Variants in IDH3A observed in about 807,000 individuals in gnomAD.
IDH3A encodes the protein isocitrate dehydrogenase (NAD(+)) 3 catalytic subunit alpha, also known as isocitrate dehydrogenase [NAD] subunit alpha, mitochondrial.
In IDH3A, 23 loss-of-function variants were observed where a neutral mutation model predicts 43.3. The ratio of observed to expected loss-of-function variants is 0.53; its 90% CI spans 0.38 to 0.75. IDH3A has a LOEUF of 0.75. IDH3A is among the 30% of genes least tolerant of loss of function. The probability of loss-of-function intolerance (pLI) is 0.00; values close to 1 mark genes in which losing one functional copy is unlikely to be tolerated. For missense variants in IDH3A, 329 were observed against 474.4 expected (o/e 0.69, Z 2.85); for synonymous variants, 154 against 163.5 (o/e 0.94, Z 0.44).
chr15:78,160,316 A>T, intron 4 of IDH3A, 110 bp downstream of exon 4: 1 of 630,972 alleles, frequency 1.6e-6, no homozygotes, highest in Non-Finnish European at 2.9e-6. Flanking sequence ...CTGTGAAGGT[A>T]ACGCCATTCT....
intron 2 of IDH3A, 136 bp from the exon 3 acceptor site, chr15:78,157,412 G>A: frequency 1.4e-5 from 9 of 663,734 alleles, no homozygotes; most frequent in Non-Finnish European, 2.5e-6. Flanking sequence ...CCCCGGGGAG[G>A]TATGTTTGTT....
Position 78,161,708 on chromosome 15 carries a change from T to C in IDH3A, c.417T>C (p.Asp139=). 3 of 1,614,156 alleles carry C rather than the reference T, an allele frequency of 1.9e-6. No homozygotes were observed. The highest frequency in any genetic ancestry group is 2.5e-6 in the Non-Finnish European group (3 of 1,179,986). ...SIEGYKTPYT[D]VNIVTIRENT... is the part of the protein sequence containing the mutation. ...AAGGCTATAAAACCCCTTACACCGATGTAAATATTGTGACCATTCGAGAGA... is the reference window on the plus strand; with the variant it reads ...AAGGCTATAAAACCCCTTACACCGACGTAAATATTGTGACCATTCGAGAGA... Residue 139 remains aspartate, a synonymous_variant, in exon 5 of 11, where the codon GAT becomes GAC. Transcript: ENST00000299518. This position sits in a 1 kb window ranked among gnomAD's most constrained non-coding sequence, Gnocchi z 4.8.
At position 78,161,829 on chromosome 15, in the gene IDH3A, C is replaced by A; in HGVS notation, c.477+61C>A. On this transcript the variant is annotated intron_variant, in intron 5 of 10. Coordinates refer to ENST00000299518, the MANE Select transcript of IDH3A (RefSeq NM_005530.3). The surrounding 1 kb of genome is among the most constrained non-coding windows in gnomAD (Gnocchi z 4.8). ...GGACTGCTTTCTGTGCATCTGGGAC[C>A]CCAGAGACAGATCTGCTTTATCTCT... 7.1e-7 allele frequency: 1 copy of A among 1,410,504 alleles called. No individual in the cohort carries two copies. The allele number at this position is 1,410,504 out of a possible 1,614,324, so 87.4% of individuals were successfully genotyped here.
intron 10 of IDH3A, among the ~76,000 whole-genome samples, chr15:78,166,656 G>C (rs2074746587): frequency 6.6e-6 from 1 of 152,104 alleles, no homozygotes; most frequent in African/African-American, 2.4e-5. Flanking sequence ...TTTTGAGACA[G>C]AGTCTTGCTC....
At position 78,152,237 on chromosome 15, in the gene IDH3A, T is replaced by G. The variant is rs564883464; in HGVS notation, c.27+2807T>G. On this transcript the variant is annotated intron_variant, in intron 1 of 10. Coordinates refer to ENST00000299518, the MANE Select transcript of IDH3A (RefSeq NM_005530.3). The stretch of plus-strand genomic sequence containing the variant: ...TCACACCCAGCTGATTTTTGTATTT[T>G]TATTAGAGACAGGGTTTCACCATGT... Among the ~76,000 whole-genome samples the G allele has an allele frequency of 2.6e-5, 4 of 151,626 alleles. No homozygotes were observed. In the South Asian group the frequency reaches 6.3e-4, roughly 24 times the overall value.
At position 78,157,068 on chromosome 15, in the gene IDH3A, T is replaced by C. The variant is rs573050921; in HGVS notation, c.91-480T>C. The C allele has an allele frequency of 2.0e-4, 239 of 1,186,876 alleles. 1 individual carries two copies. The African/African-American group carries it at 3.5e-3, about 18-fold the overall frequency. The allele number at this position is 1,186,876 out of a possible 1,614,324, so 73.5% of individuals were successfully genotyped here. A position where few individuals can be genotyped will look rare whatever the true frequency, so the allele number is the denominator to read the frequency against. On this transcript the variant is annotated intron_variant, in intron 2 of 10. Coordinates refer to ENST00000299518, the MANE Select transcript of IDH3A (RefSeq NM_005530.3). ...TTTTGGAAATGTGTCTGAAAATGTT[T>C]TGCAAGACTGAAGAAGTTGCATGAG...
chr15:78,150,271 C>T (rs891635228), intron 1 of IDH3A, among the ~76,000 whole-genome samples: 2 of 152,206 alleles, frequency 1.3e-5, no homozygotes, highest in African/African-American at 4.8e-5. Context: ...CAAGGTCACA[C>T]AGGAGGTCGG....
Position 78,149,365 on chromosome 15 carries a change from G to T in IDH3A, c.-39G>T. 1 of 1,519,272 alleles carries T rather than the reference G, an allele frequency of 6.6e-7. No individual in the cohort carries two copies. Among genetic ancestry groups the T allele is most frequent in the South Asian group, 1.2e-5 (1 of 82,096 alleles). The allele number at this position is 1,519,272 out of a possible 1,614,324, so 94.1% of individuals were successfully genotyped here. A position where few individuals can be genotyped will look rare whatever the true frequency, so the allele number is the denominator to read the frequency against. On this transcript the variant is annotated 5_prime_UTR_variant, in exon 1 of 11. Transcript: ENST00000299518. ...AGCGTGGGGTGGGCGCTTGCGCACTGCCGCTGCGGCTGTTGCTGCGGAGCC... is the reference window on the plus strand; with the variant it reads ...AGCGTGGGGTGGGCGCTTGCGCACTTCCGCTGCGGCTGTTGCTGCGGAGCC...
At chr15:78,157,851 A>T (rs1420603733) in intron 3 of IDH3A, among the ~76,000 whole-genome samples, 1 of 148,634 alleles carries the variant, frequency 6.7e-6, no homozygotes, top group Admixed American at 6.8e-5. Context: ...AAATTTAGAG[A>T]TGAGGTCTCG....
At chr15:78,159,868 G>A (rs961530675) in intron 3 of IDH3A, 22 of 433,856 alleles carry the variant, frequency 5.1e-5, no homozygotes, top group Non-Finnish European at 8.0e-5. Flanking sequence ...GGTGGTGGGC[G>A]CCTGTAATCC....
intron 1 of IDH3A, among the ~76,000 whole-genome samples, chr15:78,153,014 A>G (rs2074592108): frequency 6.6e-6 from 1 of 151,862 alleles, no homozygotes; most frequent in Non-Finnish European, 1.5e-5. Context: ...AAATCCTTAC[A>G]CTCCTGGGTT....
chr15:78,161,839 G>C lies in IDH3A; in HGVS notation c.477+71G>C. The C allele has an allele frequency of 1.5e-6, 2 of 1,320,500 alleles. No individual in the cohort carries two copies. The highest frequency in any genetic ancestry group is 2.2e-6 in the Non-Finnish European group (2 of 925,784). The allele number at this position is 1,320,500 out of a possible 1,614,324, so 81.8% of individuals were successfully genotyped here. The stretch of plus-strand genomic sequence containing the variant: ...CTGTGCATCTGGGACCCCAGAGACA[G>C]ATCTGCTTTATCTCTGTGAGGAGTT... On this transcript the variant is annotated intron_variant, in intron 5 of 10. Coordinates refer to ENST00000299518, the MANE Select transcript of IDH3A (RefSeq NM_005530.3). This position sits in a 1 kb window ranked among gnomAD's most constrained non-coding sequence, Gnocchi z 4.8.
chr15:78,157,264 G>A (rs566132607), intron 2 of IDH3A: 2 of 820,084 alleles, frequency 2.4e-6, no homozygotes, highest in South Asian at 5.3e-5. Context: ...TATCAATTAG[G>A]AAATCTACTT....
intron 3 of IDH3A, among the ~76,000 whole-genome samples, chr15:78,158,551 A>G (rs1158137242): frequency 2.2e-5 from 3 of 133,488 alleles, no homozygotes; most frequent in African/African-American, 8.6e-5. Flanking sequence ...ATCTCGGCTC[A>G]CTGCAACCTC....
intron 2 of IDH3A, among the ~76,000 whole-genome samples, chr15:78,156,105 G>A (rs181036750): frequency 4.1e-4 from 62 of 152,288 alleles, no homozygotes; most frequent in Non-Finnish European, 6.3e-4. Context: ...TAGCCAAAGC[G>A]TTCTTTTGGC....
intron 3 of IDH3A, 47 bp downstream of exon 3, chr15:78,157,678 T>A: frequency 7.5e-7 from 1 of 1,336,484 alleles, no homozygotes; most frequent in Non-Finnish European, 1.1e-6. Context: ...ACTGAAAAGT[T>A]TTCTTAGCCA....
chr15:78,157,889 TG>T (rs1488303312), intron 3 of IDH3A, among the ~76,000 whole-genome samples: 4 of 151,924 alleles, frequency 2.6e-5, no homozygotes, highest in Non-Finnish European at 4.4e-5. Flanking sequence ...TCTTGAACTC[TG>T]GGGCTCAAGC....
At position 78,170,068 on chromosome 15, in the gene IDH3A, G is replaced by A. The variant is rs910509815; in HGVS notation, c.*1063G>A. 5 of 152,218 alleles carry A rather than the reference G, an allele frequency of 3.3e-5. No homozygotes were observed. Among genetic ancestry groups the A allele is most frequent in the Non-Finnish European group, 5.9e-5 (4 of 68,036 alleles). 9.4% of individuals were successfully genotyped at this position (152,218 alleles called of 1,614,324 possible). On this transcript the variant is annotated 3_prime_UTR_variant, in exon 11 of 11. Coordinates refer to ENST00000299518, the MANE Select transcript of IDH3A (RefSeq NM_005530.3). ...AGTATAAGATGACATTCCAAAGACT[G>A]GAGGCAACTCAGCCTGAGTTAATTC...
Position 78,171,603 on chromosome 15 carries a change from A to C in IDH3A, c.*2598A>C. On this transcript the variant is annotated 3_prime_UTR_variant, in exon 11 of 11. Coordinates refer to ENST00000299518, the MANE Select transcript of IDH3A (RefSeq NM_005530.3). Reference sequence around the variant, plus strand: ...CTGAGAATGTGTGTGGTAAAGACTCACACTCAGTCCTATATATAACTCAGG... The same window carrying C: ...CTGAGAATGTGTGTGGTAAAGACTCCCACTCAGTCCTATATATAACTCAGG... The C allele has an allele frequency of 2.4e-6, 3 of 1,254,226 alleles. No individual in the cohort carries two copies. Among genetic ancestry groups the C allele is most frequent in the Non-Finnish European group, 3.5e-6 (3 of 857,864 alleles). 77.7% of individuals were successfully genotyped at this position (1,254,226 alleles called of 1,614,324 possible).
Sources: allele counts gnomAD v4.1 joint callset (sites outside exome capture counted in the v4.1 genomes callset), GRCh38; gene constraint gnomAD v4.1.1; non-coding constraint Gnocchi (gnomAD v3.1); transcripts MANE v1.5; gene names NCBI Gene and HGNC (gene_info 2026-07-23, HGNC 2026-07-21).